Variants in GRIK4 observed in about 807,000 individuals in gnomAD.
The protein encoded by GRIK4 is glutamate ionotropic receptor kainate type subunit 4, also known as glutamate receptor ionotropic, kainate 4.
A neutral mutation model predicts 104.9 loss-of-function variants in GRIK4; 40 were observed. That is an observed-to-expected ratio of 0.38 (90% confidence interval 0.30 to 0.50). The LOEUF (loss-of-function observed/expected upper bound fraction) is 0.50, where lower values mean the gene tolerates loss of function less well. Among genes scored for constraint, GRIK4 ranks in the 20% least tolerant of loss-of-function variants. The pLI is 0.93. For missense variants in GRIK4, 1,047 were observed against 1,308.1 expected (o/e 0.80, Z 3.08); for synonymous variants, 485 against 524.9 (o/e 0.92, Z 1.04).
At chr11:120,607,651 A>G (rs903928236) in intron 1 of GRIK4, among the ~76,000 whole-genome samples, 3 of 152,112 alleles carry the variant, frequency 2.0e-5, no homozygotes, top group Non-Finnish European at 4.4e-5. Context: ...CCCAGCAGGA[A>G]GTTGATTGAT....
chr11:120,690,283 TTG>T (rs1950337834), intron 3 of GRIK4, among the ~76,000 whole-genome samples: 3 of 152,170 alleles, frequency 2.0e-5, no homozygotes, highest in Non-Finnish European at 4.4e-5. Context: ...GGTAAGATGT[TTG>T]TGGGTAGTGT....
Position 120,594,021 on chromosome 11 carries a change from C to A in GRIK4, c.-158-59664C>A, listed in dbSNP as rs970887071. ...AGGCCACCACCATCTCTCCTCTGAC[C>A]TAAGACAGTAGCCTCCTAATTGGTT... On this transcript the variant is annotated intron_variant, in intron 1 of 20. Coordinates refer to ENST00000527524, the MANE Select transcript of GRIK4 (RefSeq NM_014619.5). Among the ~76,000 whole-genome samples the A allele has an allele frequency of 4.2e-4, 64 of 152,242 alleles. 1 individual carries two copies. The highest frequency in any genetic ancestry group is 1.5e-3 in the African/African-American group (62 of 41,462).
At chr11:120,804,626 G>A (rs763078487) in intron 4 of GRIK4, among the ~76,000 whole-genome samples, 1 of 152,160 alleles carries the variant, frequency 6.6e-6, no homozygotes, top group East Asian at 1.9e-4. Context: ...TCTATCTCAG[G>A]CATAATTCAG....
At chr11:120,564,114 C>T (rs1240546838) in intron 1 of GRIK4, among the ~76,000 whole-genome samples, 3 of 152,176 alleles carry the variant, frequency 2.0e-5, no homozygotes. Context: ...AGGAAGGGCC[C>T]GGGCGCGCAG....
chr11:120,953,054 G>C lies in GRIK4; in HGVS notation c.1700+90G>C, dbSNP rs1239125937. Reference sequence around the variant, plus strand: ...GGGGAGGGGGTGGGGAGGAGGAGAGGGGGAGGAGGAGTTGGGAAGATCTTG... The same window carrying C: ...GGGGAGGGGGTGGGGAGGAGGAGAGCGGGAGGAGGAGTTGGGAAGATCTTG... On this transcript the variant is annotated intron_variant, in intron 15 of 20. Coordinates refer to ENST00000527524, the MANE Select transcript of GRIK4 (RefSeq NM_014619.5). This position sits in a 1 kb window ranked among gnomAD's most constrained non-coding sequence, Gnocchi z 4.9. 2.5e-6 allele frequency: 2 copies of C among 813,400 alleles called. No individual in the cohort carries two copies. The highest frequency in any genetic ancestry group is 1.5e-5 in the South Asian group (1 of 65,124). The allele number at this position is 813,400 out of a possible 1,614,324, so 50.4% of individuals were successfully genotyped here.
At chr11:120,725,728 G>T (rs1443976193) in intron 3 of GRIK4, among the ~76,000 whole-genome samples, 5 of 151,574 alleles carry the variant, frequency 3.3e-5, no homozygotes, top group African/African-American at 1.2e-4. Context: ...GACCAGAAGG[G>T]TCATTTTCTA....
At chr11:120,716,794 A>G (rs1387668758) in intron 3 of GRIK4, among the ~76,000 whole-genome samples, 1 of 152,026 alleles carries the variant, frequency 6.6e-6, no homozygotes, top group African/African-American at 2.4e-5. Flanking sequence ...TTTCCAGGAG[A>G]GACAGCCTTT....
intron 1 of GRIK4, among the ~76,000 whole-genome samples, chr11:120,598,305 T>G (rs1484627001): frequency 6.6e-6 from 1 of 152,210 alleles, no homozygotes; most frequent in African/African-American, 2.4e-5. Context: ...ATGAGGAAAC[T>G]GAGGCTCACA....
At chr11:120,747,429 G>A (rs1022300436) in intron 3 of GRIK4, among the ~76,000 whole-genome samples, 1 of 152,190 alleles carries the variant, frequency 6.6e-6, no homozygotes, top group African/African-American at 2.4e-5. Context: ...CCGAGTCAGT[G>A]TTAGCAGTGA....
intron 4 of GRIK4, among the ~76,000 whole-genome samples, chr11:120,807,434 C>T (rs1952736453): frequency 1.3e-5 from 2 of 152,200 alleles, no homozygotes; most frequent in African/African-American, 4.8e-5. Flanking sequence ...GCTGTCCGCA[C>T]AGTTTCCCCT....
intron 3 of GRIK4, among the ~76,000 whole-genome samples, chr11:120,722,851 G>T (rs528014511): frequency 1.3e-5 from 2 of 152,256 alleles, no homozygotes; most frequent in South Asian, 4.1e-4. Context: ...AGTGGTGAAG[G>T]GCAGTCTGTG....
intron 3 of GRIK4, among the ~76,000 whole-genome samples, chr11:120,800,215 C>T (rs1049070602): frequency 6.6e-6 from 1 of 152,132 alleles, no homozygotes. Context: ...GGAACCCCAA[C>T]CCCTGAAATG....
chr11:120,648,852 C>T (rs941829898), intron 1 of GRIK4, among the ~76,000 whole-genome samples: 3 of 152,118 alleles, frequency 2.0e-5, no homozygotes, highest in African/African-American at 7.2e-5. Context: ...ACCAGTCTAA[C>T]CTCTCAGTTA....
intron 7 of GRIK4, among the ~76,000 whole-genome samples, chr11:120,834,979 C>A (rs1206667296): frequency 2.0e-5 from 3 of 152,172 alleles, no homozygotes; most frequent in Non-Finnish European, 4.4e-5. Context: ...CTTACTTGGA[C>A]AGTGTGATTG....
intron 1 of GRIK4, among the ~76,000 whole-genome samples, chr11:120,636,399 A>G (rs1949397017): frequency 6.6e-6 from 1 of 152,212 alleles, no homozygotes; most frequent in East Asian, 1.9e-4. Context: ...AATGTCTGGC[A>G]GTGGTAGATG....
intron 6 of GRIK4, among the ~76,000 whole-genome samples, chr11:120,830,778 TATC>T (rs1042497217): frequency 1.7e-4 from 26 of 152,274 alleles, no homozygotes; most frequent in African/African-American, 6.0e-4. Flanking sequence ...ATGTTGCCCT[TATC>T]ATTGCTTTTG....
At chr11:120,858,203 G>C (rs544417756) in intron 8 of GRIK4, 26 of 152,316 alleles carry the variant, frequency 1.7e-4, no homozygotes, top group African/African-American at 5.8e-4. Context: ...GGGTTGGGGA[G>C]GCATAATGGG....
chr11:120,792,935 G>A (rs1211170719), intron 3 of GRIK4, among the ~76,000 whole-genome samples: 1 of 152,152 alleles, frequency 6.6e-6, no homozygotes, highest in Non-Finnish European at 1.5e-5. Flanking sequence ...ATGCACCGTT[G>A]TTTAAAGGGG....
At chr11:120,879,882 T>C (rs1260957738) in intron 11 of GRIK4, among the ~76,000 whole-genome samples, 1 of 152,244 alleles carries the variant, frequency 6.6e-6, no homozygotes, top group Non-Finnish European at 1.5e-5. Flanking sequence ...GAGAAATCTT[T>C]GGAAGAGGCT....
Sources: allele counts gnomAD v4.1 joint callset (sites outside exome capture counted in the v4.1 genomes callset), GRCh38; gene constraint gnomAD v4.1.1; non-coding constraint Gnocchi (gnomAD v3.1); transcripts MANE v1.5; gene names NCBI Gene and HGNC (gene_info 2026-07-23, HGNC 2026-07-21).